SETD3: variants seen among roughly 807,000 people sequenced by gnomAD.
SETD3 encodes the protein SET domain containing 3, actin N3(tau)-histidine methyltransferase.
SETD3 carries 19 observed loss-of-function variants against 63.0 expected under a neutral mutation model. The observed-to-expected ratio is 0.30, with a 90% CI of 0.21 to 0.44. SETD3 has a LOEUF of 0.44. Ranked by LOEUF, SETD3 falls within the 20% of genes least tolerant of loss-of-function variation. The pLI is 1.00. For synonymous variants in SETD3, 286 were observed against 264.1 expected, an observed-to-expected ratio of 1.08 and a Z score of -0.80; for missense variants, 587 against 728.5, an observed-to-expected ratio of 0.81 and a Z score of 2.24.
chr14:99,425,520 T>A (rs1892832591), intron 6 of SETD3, among the ~76,000 whole-genome samples: 1 of 152,208 alleles, frequency 6.6e-6, no homozygotes, highest in Non-Finnish European at 1.5e-5. Flanking sequence ...TGGAACATTC[T>A]CAGCAAACAG....
intron 3 of SETD3, among the ~76,000 whole-genome samples, chr14:99,462,061 T>C (rs1166710407): frequency 6.6e-6 from 1 of 152,060 alleles, no homozygotes; most frequent in African/African-American, 2.4e-5. Flanking sequence ...TGGAAGGGGA[T>C]GAAAATGTGA....
At chr14:99,401,226 C>G (rs1364433999) in intron 11 of SETD3, among the ~76,000 whole-genome samples, 1 of 152,060 alleles carries the variant, frequency 6.6e-6, no homozygotes, top group Non-Finnish European at 1.5e-5. Flanking sequence ...TACAAATACA[C>G]ACAAGTGAAC....
intron 1 of SETD3, among the ~76,000 whole-genome samples, chr14:99,466,086 T>C (rs1342200472): frequency 2.0e-5 from 3 of 152,338 alleles, no homozygotes; most frequent in Admixed American, 6.5e-5. Flanking sequence ...CTCTAGATTT[T>C]TTTTTAATTA....
At chr14:99,432,243 C>G (rs375519692) in intron 6 of SETD3, among the ~76,000 whole-genome samples, 36 of 152,224 alleles carry the variant, frequency 2.4e-4, no homozygotes, top group African/African-American at 8.2e-4. Flanking sequence ...GCAAAGAACC[C>G]GTAAGAGTCC....
chr14:99,460,174 G>A (rs1894991268), intron 4 of SETD3, among the ~76,000 whole-genome samples: 1 of 151,982 alleles, frequency 6.6e-6, no homozygotes. Flanking sequence ...TTTTTTGGAA[G>A]CAAGATACTA....
chr14:99,480,368 G>A (rs533137674), intron 1 of SETD3, among the ~76,000 whole-genome samples: 231 of 152,112 alleles, frequency 1.5e-3, no homozygotes, highest in Non-Finnish European at 2.6e-3. Context: ...CAAGCTCGGG[G>A]AGAGCGCTGC....
At position 99,480,341 on chromosome 14, in the gene SETD3, G is replaced by A. The variant is rs1380690273; in HGVS notation, c.-9+387C>T. Among the ~76,000 whole-genome samples the A allele has an allele frequency of 2.6e-5, 4 of 152,078 alleles. No homozygotes were observed. In the South Asian group the frequency reaches 6.2e-4, roughly 24 times the overall value. ...GGCCCCACCCGAGAGCAGGCGCGAG[G>A]GCCGGGGACAGCGGGGCAAGCTCGG... On this transcript the variant is annotated intron_variant, in intron 1 of 12. Coordinates refer to ENST00000331768, the MANE Select transcript of SETD3 (RefSeq NM_032233.3).
chr14:99,407,411 A>G (rs1232979073), intron 8 of SETD3, among the ~76,000 whole-genome samples: 1 of 152,198 alleles, frequency 6.6e-6, no homozygotes, highest in East Asian at 1.9e-4. Flanking sequence ...CTGCATGGCT[A>G]TAGTCCTTAT....
upstream of SETD3, among the ~76,000 whole-genome samples, chr14:99,484,076 A>G (rs961483071): frequency 6.6e-6 from 1 of 152,268 alleles, no homozygotes; most frequent in African/African-American, 2.4e-5. Context: ...GTGTGATTAC[A>G]TTTACAAAAC....
At chr14:99,480,289 G>A (rs1007808125) in intron 1 of SETD3, among the ~76,000 whole-genome samples, 37 of 152,162 alleles carry the variant, frequency 2.4e-4, no homozygotes, top group African/African-American at 8.7e-4. Context: ...CGCGCGCAGA[G>A]CCGAGCCGAC....
chr14:99,471,863 G>T (rs1337513895), intron 1 of SETD3, among the ~76,000 whole-genome samples: 1 of 152,190 alleles, frequency 6.6e-6, no homozygotes, highest in Non-Finnish European at 1.5e-5. Context: ...GGGCACTTGT[G>T]ACCAAGGACA....
chr14:99,478,249 T>C (rs992128634), intron 1 of SETD3, among the ~76,000 whole-genome samples: 1 of 152,136 alleles, frequency 6.6e-6, no homozygotes, highest in African/African-American at 2.4e-5. Context: ...TTTAATGCCA[T>C]AGCAATAAAT....
chr14:99,433,659 G>A (rs564581528), intron 6 of SETD3, among the ~76,000 whole-genome samples: 10 of 152,170 alleles, frequency 6.6e-5, no homozygotes, highest in East Asian at 3.9e-4. Context: ...GGATGGTCTC[G>A]ATCTCCTGAT....
intron 8 of SETD3, among the ~76,000 whole-genome samples, chr14:99,407,840 T>G (rs992636838): frequency 9.2e-5 from 14 of 152,182 alleles, no homozygotes; most frequent in African/African-American, 3.4e-4. Context: ...CCCTTGTTGA[T>G]CTCTGTGTCC....
At chr14:99,449,566 A>G (rs1233773012) in intron 6 of SETD3, among the ~76,000 whole-genome samples, 2 of 152,236 alleles carry the variant, frequency 1.3e-5, no homozygotes, top group African/African-American at 4.8e-5. Context: ...GTGCTCTTCA[A>G]AAGTGCCGGG....
chr14:99,403,942 T>G (rs1018997558), intron 11 of SETD3, among the ~76,000 whole-genome samples: 24 of 152,250 alleles, frequency 1.6e-4, no homozygotes, highest in African/African-American at 4.8e-4. Flanking sequence ...AAATGTAGAA[T>G]TTTGATATAT....
intron 1 of SETD3, among the ~76,000 whole-genome samples, chr14:99,467,352 T>C (rs551671510): frequency 4.6e-5 from 7 of 152,314 alleles, no homozygotes; most frequent in African/African-American, 1.4e-4. Context: ...GACAGACAGC[T>C]TAAGCACCTT....
intron 3 of SETD3, among the ~76,000 whole-genome samples, chr14:99,463,191 C>T (rs1047525413): frequency 3.0e-4 from 46 of 152,162 alleles, no homozygotes; most frequent in African/African-American, 8.7e-4. Flanking sequence ...AAGGAAATAA[C>T]GGTATAATAC....
intron 1 of SETD3, among the ~76,000 whole-genome samples, chr14:99,476,228 T>C (rs990253604): frequency 3.9e-5 from 6 of 152,200 alleles, no homozygotes; most frequent in Admixed American, 6.5e-5. Flanking sequence ...CACACCTCAA[T>C]GACAAATCTT....
Sources: gnomAD v4.1 joint callset for allele counts (sites outside exome capture counted in the v4.1 genomes callset) on GRCh38, gnomAD v4.1.1 for gene constraint, MANE v1.5 for transcripts, NCBI Gene and HGNC (gene_info 2026-07-23, HGNC 2026-07-21) for gene names.